The following CYB561A3 variants were observed in gnomAD, a reference collection of about 807,000 sequenced individuals.
CYB561A3 encodes the protein cytochrome b561 family member A3.
A neutral mutation model predicts 25.3 loss-of-function variants in CYB561A3; 16 were observed. The observed-to-expected ratio is 0.63, with a 90% CI of 0.43 to 0.96. The LOEUF is 0.96. CYB561A3 is among the 40% of genes least tolerant of loss of function. The probability of loss-of-function intolerance (pLI) is 0.00; values close to 1 mark genes in which losing one functional copy is unlikely to be tolerated. For synonymous variants in CYB561A3, 131 were observed against 129.9 expected, an observed-to-expected ratio of 1.01 and a Z score of -0.06; for missense variants, 219 against 307.5, an observed-to-expected ratio of 0.71 and a Z score of 2.15.
At chr11:61,350,461 A>T in intron 6 of CYB561A3, 39 bp from the exon 7 acceptor site, 2 of 1,608,508 alleles carry the variant, frequency 1.2e-6, no homozygotes, top group South Asian at 2.2e-5. Flanking sequence ...TAATGACATG[A>T]TGCAGGAGTC....
chr11:61,356,443 A>C, intron 3 of CYB561A3, 87 bp downstream of exon 3: 1 of 1,323,024 alleles, frequency 7.6e-7, no homozygotes, highest in Non-Finnish European at 1.0e-6. Flanking sequence ...CAAGCCCAAC[A>C]TTTACAAAGG....
chr11:61,356,982 C>G, intron 2 of CYB561A3: 1 of 1,465,898 alleles, frequency 6.8e-7, no homozygotes, highest in Non-Finnish European at 9.0e-7. Context: ...AAGGCTATGG[C>G]TGGCCCTGGC....
chr11:61,356,736 AAGG>A lies in CYB561A3; in HGVS notation c.-15-11_-15-9del, dbSNP rs762142933. ...CATTCTGATCACGCACTCCTAGAAG[AAGG>A]AGAAGTCACAAATCTCCACTGGCTC... is the stretch of plus-strand genomic sequence containing the variant. On this transcript the variant is annotated splice_polypyrimidine_tract_variant and intron_variant, in intron 2 of 6. Transcript: ENST00000294072. 3.2e-5 allele frequency: 52 copies of A among 1,611,706 alleles called. No individual in the cohort carries two copies. Among genetic ancestry groups the A allele is most frequent in the Non-Finnish European group, 4.0e-5 (47 of 1,178,362 alleles).
At chr11:61,350,660 G>T in intron 6 of CYB561A3, 1 of 603,736 alleles carries the variant, frequency 1.7e-6, no homozygotes. Context: ...CTAGCCCCCA[G>T]GCTGGTAAAG....
intron 2 of CYB561A3, 90 bp from the exon 3 acceptor site, chr11:61,356,818 T>C: frequency 6.6e-7 from 1 of 1,520,886 alleles, no homozygotes; most frequent in Non-Finnish European, 8.8e-7. Flanking sequence ...GCTCTTGGCC[T>C]GTGGGATGGA....
intron 1 of CYB561A3, chr11:61,359,438 C>A (rs1468870987): frequency 3.9e-5 from 6 of 152,134 alleles, no homozygotes; most frequent in African/African-American, 1.4e-4. Flanking sequence ...AAAACACTCT[C>A]CATCCCTCAG....
intron 3 of CYB561A3, among the ~76,000 whole-genome samples, chr11:61,355,811 C>T (rs934296360): frequency 1.5e-4 from 22 of 151,404 alleles, no homozygotes; most frequent in Non-Finnish European, 7.4e-5. Flanking sequence ...CAGCTCAGGT[C>T]GGGCATGATG....
intron 6 of CYB561A3, 54 bp from the exon 7 acceptor site, chr11:61,350,476 C>T (rs1857346609): frequency 6.2e-7 from 1 of 1,600,226 alleles, no homozygotes; most frequent in African/African-American, 1.3e-5. Flanking sequence ...GGAGTCACAC[C>T]AGGCCCAAGC....
At chr11:61,356,495 C>A in intron 3 of CYB561A3, 35 bp downstream of exon 3, 1 of 1,498,878 alleles carries the variant, frequency 6.7e-7, no homozygotes, top group Non-Finnish European at 9.0e-7. Flanking sequence ...CCAGCCTGAG[C>A]CCTATCCCGC....
rs373218798 is a variant in CYB561A3, at chr11:61,356,566, G to A, written c.148C>T (p.Leu50Phe). 2 of 1,614,030 alleles carry A rather than the reference G, an allele frequency of 1.2e-6. No homozygotes were observed. Among genetic ancestry groups the A allele is most frequent in the Non-Finnish European group, 1.7e-6 (2 of 1,180,030 alleles). The change falls in exon 3 of 7, where the codon CTT becomes TTT. Residue 50 changes from leucine (L) to phenylalanine (F), a missense_variant. Physicochemically the swap from Leu to Phe is conservative, Grantham distance 22 (BLOSUM62 0). Transcript: ENST00000294072. Reference protein sequence around the residue: ...SIYMFNWHPVLMVAGMVVFYG... With the variant: ...SIYMFNWHPVFMVAGMVVFYG... Reference sequence around the variant, plus strand: ...AATACCACCATGCCAGCAACCATAAGCACTGGGTGCCAGTTGAACATGTAG... The same window carrying A: ...AATACCACCATGCCAGCAACCATAAACACTGGGTGCCAGTTGAACATGTAG...
intron 2 of CYB561A3, 164 bp from the exon 3 acceptor site, chr11:61,356,892 C>T (rs1299461786): frequency 6.9e-7 from 1 of 1,444,798 alleles, no homozygotes; most frequent in East Asian, 2.5e-5. Context: ...GCCTCAATGC[C>T]TGGGTGGGCC....
At chr11:61,353,283 G>A in intron 4 of CYB561A3, 144 bp from the exon 5 acceptor site, 1 of 1,061,120 alleles carries the variant, frequency 9.4e-7, no homozygotes, top group Non-Finnish European at 1.3e-6. Context: ...CCACTACCGT[G>A]CTAGCTTCCT....
At position 61,349,620 on chromosome 11, in the gene CYB561A3, T is replaced by C; in HGVS notation, c.*779A>G. 7 of 702,946 alleles carry C rather than the reference T, an allele frequency of 1.0e-5. No individual in the cohort carries two copies. Among genetic ancestry groups the C allele is most frequent in the Non-Finnish European group, 1.8e-5 (7 of 384,990 alleles). The allele number at this position is 702,946 out of a possible 1,614,324, so 43.5% of individuals were successfully genotyped here. Reference sequence around the variant, plus strand: ...CGTAAGTCACAGGGAAAGGCCGGGATCCAGGCCTCAGCTGTAGCAGCAGCT... The same window carrying C: ...CGTAAGTCACAGGGAAAGGCCGGGACCCAGGCCTCAGCTGTAGCAGCAGCT... On this transcript the variant is annotated 3_prime_UTR_variant, in exon 7 of 7. Transcript: ENST00000294072.
At chr11:61,350,914 G>C (rs1565065297) in intron 6 of CYB561A3, 77 bp downstream of exon 6, 2 of 1,517,418 alleles carry the variant, frequency 1.3e-6, no homozygotes, top group Non-Finnish European at 1.8e-6. Flanking sequence ...TTCTTGTCAA[G>C]GCCCCAGCCT....
At chr11:61,356,403 A>C in intron 3 of CYB561A3, 127 bp downstream of exon 3, 1 of 930,674 alleles carries the variant, frequency 1.1e-6, no homozygotes, top group Non-Finnish European at 1.5e-6. Flanking sequence ...AGGCCCAGAG[A>C]CAGCCCAACC....
intron 3 of CYB561A3, 105 bp downstream of exon 3, chr11:61,356,425 C>CCA: frequency 3.7e-5 from 33 of 887,410 alleles, no homozygotes; most frequent in Non-Finnish European, 5.3e-5. Context: ...ACCCTACCCC[C>CCA]ATAGCCCCAA....
intron 2 of CYB561A3, 57 bp from the exon 3 acceptor site, chr11:61,356,785 C>A: frequency 6.3e-7 from 1 of 1,581,848 alleles, no homozygotes; most frequent in Non-Finnish European, 8.6e-7. Flanking sequence ...AGTTCTCTGG[C>A]TAAAGGAGGT....
chr11:61,357,009 G>C (rs764383982), intron 2 of CYB561A3: 1 of 1,465,510 alleles, frequency 6.8e-7, no homozygotes. Context: ...CAGATGCCAA[G>C]GCCCAAGACC....
chr11:61,351,086 C>G lies in CYB561A3; in HGVS notation c.610G>C (p.Gly204Arg), dbSNP rs1431086641. 1.2e-6 allele frequency: 2 copies of G among 1,613,912 alleles called. No individual in the cohort carries two copies. Among genetic ancestry groups the G allele is most frequent in the Admixed American group, 1.7e-5 (1 of 59,984 alleles). ...PSEAVFANST[G>R]MLVVAFGLLV... is the part of the protein sequence containing the mutation. Reference sequence around the variant, plus strand: ...AGCCCAAAGGCCACCACCAGCATCCCGGTGCTGTTGGCAAAGACCGCCTCA... The same window carrying G: ...AGCCCAAAGGCCACCACCAGCATCCGGGTGCTGTTGGCAAAGACCGCCTCA... The change falls in exon 6 of 7, where the codon GGG becomes CGG. Residue 204 changes from glycine (G) to arginine (R), a missense_variant. Coordinates refer to ENST00000294072, the MANE Select transcript of CYB561A3 (RefSeq NM_153611.6).
Sources: allele counts gnomAD v4.1 joint callset (sites outside exome capture counted in the v4.1 genomes callset), GRCh38; gene constraint gnomAD v4.1.1; transcripts MANE v1.5; gene names NCBI Gene and HGNC (gene_info 2026-07-23, HGNC 2026-07-21).